Variants in MLXIPL observed in about 807,000 individuals in gnomAD.
The protein encoded by MLXIPL is MLX interacting protein like, also known as carbohydrate-responsive element-binding protein.
MLXIPL carries 49 observed loss-of-function variants against 81.5 expected under a neutral mutation model. The ratio of observed to expected loss-of-function variants is 0.60; its 90% CI spans 0.48 to 0.76. The LOEUF (loss-of-function observed/expected upper bound fraction) is 0.76. Ranked by LOEUF, MLXIPL falls within the 30% of genes least tolerant of loss-of-function variation. MLXIPL has a pLI of 0.00. For missense variants in MLXIPL, 1,053 were observed against 1,167.0 expected (o/e 0.90, Z 1.42); for synonymous variants, 466 against 485.5 (o/e 0.96, Z 0.53).
intron 1 of MLXIPL, 39 bp downstream of exon 1, chr7:73,624,161 C>A: frequency 2.0e-6 from 3 of 1,521,484 alleles, no homozygotes; most frequent in Admixed American, 2.1e-5. Flanking sequence ...CCATCCCCAC[C>A]TGGAAGCCAA....
At chr7:73,637,580 T>TG in the MLXIPL span, among the ~76,000 whole-genome samples, 1 of 152,188 alleles carries the variant, frequency 6.6e-6, no homozygotes, top group Non-Finnish European at 1.5e-5. Flanking sequence ...TGTGGCTTCA[T>TG]GGTCATTATC....
chr7:73,616,211 T>G, intron 1 of MLXIPL, 34 bp from the exon 2 acceptor site: 1 of 1,536,048 alleles, frequency 6.5e-7, no homozygotes, highest in Non-Finnish European at 9.0e-7. Context: ...GTTAGGGAGA[T>G]GCAGTGCTGC....
upstream of MLXIPL, among the ~76,000 whole-genome samples, chr7:73,627,946 C>T (rs1285924918): frequency 1.3e-5 from 2 of 152,008 alleles, no homozygotes; most frequent in African/African-American, 4.8e-5. Context: ...GTCTCACTAC[C>T]TGTAAAATTG....
At chr7:73,602,895 G>A (rs1554596780) in intron 7 of MLXIPL, among the ~76,000 whole-genome samples, 1 of 152,184 alleles carries the variant, frequency 6.6e-6, no homozygotes, top group Non-Finnish European at 1.5e-5. Flanking sequence ...GGGCCGCAAG[G>A]CCCTCTCATC....
chr7:73,640,080 A>T, the MLXIPL span, among the ~76,000 whole-genome samples: 1 of 150,166 alleles, frequency 6.7e-6, no homozygotes, highest in Non-Finnish European at 1.5e-5. Flanking sequence ...AATATAAATA[A>T]ATAAAGTAAA....
the MLXIPL span, among the ~76,000 whole-genome samples, chr7:73,639,707 A>C: frequency 6.6e-6 from 1 of 152,206 alleles, no homozygotes; most frequent in South Asian, 2.1e-4. Context: ...GCCAGCTCTC[A>C]TTATTATTAT....
At chr7:73,602,468 C>T (rs1368386278) in intron 7 of MLXIPL, among the ~76,000 whole-genome samples, 3 of 150,102 alleles carry the variant, frequency 2.0e-5, no homozygotes, top group Non-Finnish European at 4.4e-5. Context: ...GTCAGGAGTT[C>T]GAGACCAGCC....
chr7:73,613,309 G>A (rs1241386712), intron 2 of MLXIPL, among the ~76,000 whole-genome samples: 1 of 152,064 alleles, frequency 6.6e-6, no homozygotes, highest in Non-Finnish European at 1.5e-5. Flanking sequence ...TCAGAAATAG[G>A]ACCTATTGGC....
At chr7:73,638,287 A>G in the MLXIPL span, among the ~76,000 whole-genome samples, 1 of 152,156 alleles carries the variant, frequency 6.6e-6, no homozygotes, top group Non-Finnish European at 1.5e-5. Flanking sequence ...GTACCAGAAC[A>G]GGTCATCTAA....
chr7:73,624,722 AG>A (rs1403205112), upstream of MLXIPL: 10 of 478,892 alleles, frequency 2.1e-5, no homozygotes, highest in Non-Finnish European at 2.7e-5. Context: ...CTTTCCTTGG[AG>A]TCCTGATAGA....
chr7:73,613,428 G>A (rs547518149), intron 2 of MLXIPL, among the ~76,000 whole-genome samples: 3 of 151,946 alleles, frequency 2.0e-5, no homozygotes, highest in Non-Finnish European at 2.9e-5. Context: ...GTGAAACCCC[G>A]TCTCTACTAA....
In MLXIPL at chr7:73,596,336, C is replaced by T. The variant is rs570538140; in HGVS notation, c.1938+28G>A. 17 of 1,602,692 alleles carry T rather than the reference C, an allele frequency of 1.1e-5. No individual in the cohort carries two copies. Among genetic ancestry groups the T allele is most frequent in the African/African-American group, 7.0e-5 (5 of 71,106 alleles). ...CCAGGAGGGCCTGGGGGTAGCAAACCGATCTTGGGGTGGGGGATGGTGCCC... is the reference window on the plus strand; with the variant it reads ...CCAGGAGGGCCTGGGGGTAGCAAACTGATCTTGGGGTGGGGGATGGTGCCC... On this transcript the variant is annotated intron_variant, in intron 12 of 16. Coordinates refer to ENST00000313375, the MANE Select transcript of MLXIPL (RefSeq NM_032951.3). The surrounding 1 kb of genome is among the most constrained non-coding windows in gnomAD (Gnocchi z 4.7).
rs1795256614 is a variant in MLXIPL, at chr7:73,606,082, T to C, written c.648A>G (p.Gln216=). Residue 216 remains glutamine, a synonymous_variant, in exon 6 of 17, where the codon CAA becomes CAG. Coordinates refer to ENST00000313375, the MANE Select transcript of MLXIPL (RefSeq NM_032951.3). ...QAEGRWPPPE[Q]WCKQLFSSVV... is the part of the protein sequence containing the mutation. ...CACTGGAGAAGAGCTGTTTGCACCA[T>C]TGCTCCGGCGGCGGCCACCTGCCTT... 2.5e-6 allele frequency: 4 copies of C among 1,587,686 alleles called. No individual in the cohort carries two copies. The South Asian group carries it at 3.4e-5, about 14-fold the overall frequency.
rs912561153 is a variant in MLXIPL at position 73,597,468 on chromosome 7, G to A, written c.1317C>T (p.Thr439=). Residue 439 remains threonine (T), a synonymous_variant, in exon 9 of 17, where the codon ACC becomes ACT. Coordinates refer to ENST00000313375, the MANE Select transcript of MLXIPL (RefSeq NM_032951.3). ...GAGACACTCCTGGGGCAGGAGGGAC[G>A]GTGGGGAAGGGAAACCTGGGAGAGA... The part of the protein sequence containing the change: ...PLFSPRFPFP[T]VPPAPGVSPL... 40 of 1,418,552 alleles carry A rather than the reference G, an allele frequency of 2.8e-5. No individual in the cohort carries two copies. Among genetic ancestry groups the A allele is most frequent in the East Asian group, 5.3e-5 (2 of 38,030 alleles). The allele number at this position is 1,418,552 out of a possible 1,614,324, so 87.9% of individuals were successfully genotyped here.
chr7:73,598,986 T>G (rs932809651), intron 8 of MLXIPL, among the ~76,000 whole-genome samples: 1 of 150,922 alleles, frequency 6.6e-6, no homozygotes, highest in Non-Finnish European at 1.5e-5. Context: ...GGAAATCGCT[T>G]GAACACGGGA....
intron 2 of MLXIPL, among the ~76,000 whole-genome samples, chr7:73,608,837 G>C (rs1259436276): frequency 6.6e-6 from 1 of 151,980 alleles, no homozygotes; most frequent in Non-Finnish European, 1.5e-5. Context: ...TGTTTTTGTT[G>C]TTGTTTTGAA....
intron 8 of MLXIPL, among the ~76,000 whole-genome samples, chr7:73,598,780 A>G (rs2116228450): frequency 6.6e-6 from 1 of 152,192 alleles, no homozygotes; most frequent in East Asian, 1.9e-4. Flanking sequence ...AAGTCTGATG[A>G]TGGAGGGAAA....
chr7:73,594,192 A>T, intron 16 of MLXIPL, 82 bp downstream of exon 16: 1 of 1,593,334 alleles, frequency 6.3e-7, no homozygotes, highest in Non-Finnish European at 8.5e-7. Context: ...GGCAAGCTGG[A>T]TGTGGGATCT....
intron 1 of MLXIPL, among the ~76,000 whole-genome samples, chr7:73,619,957 A>G (rs1168910977): frequency 6.6e-6 from 1 of 151,746 alleles, no homozygotes; most frequent in Admixed American, 6.6e-5. Flanking sequence ...AACAAAACAA[A>G]ACAAAAACTT....
Sources: allele counts gnomAD v4.1 joint callset (sites outside exome capture counted in the v4.1 genomes callset), GRCh38; gene constraint gnomAD v4.1.1; non-coding constraint Gnocchi (gnomAD v3.1); transcripts MANE v1.5; gene names NCBI Gene and HGNC (gene_info 2026-07-23, HGNC 2026-07-21).